ZNF223: variants seen among roughly 807,000 people sequenced by gnomAD.
ZNF223 encodes the protein zinc finger protein 223.
Under a neutral mutation model 12.3 loss-of-function variants are expected in ZNF223, and 9 were observed. The ratio of observed to expected loss-of-function variants is 0.73; its 90% CI spans 0.44 to 1.28. ZNF223 has a LOEUF of 1.28. Ranked by LOEUF, ZNF223 falls within the 50% of genes most tolerant of loss-of-function variation. The pLI is 0.00. For missense variants in ZNF223, 506 were observed against 579.0 expected (o/e 0.87, Z 1.29); for synonymous variants, 171 against 195.2 (o/e 0.88, Z 1.03).
chr19:44,054,057 G>T (rs7247071), intron 1 of ZNF223, among the ~76,000 whole-genome samples: 2 of 152,012 alleles, frequency 1.3e-5, no homozygotes, highest in African/African-American at 4.8e-5. Context: ...CTTTTTCTAC[G>T]TAGACACAGT....
At chr19:44,059,905 CA>C (rs1911509596) in intron 2 of ZNF223, among the ~76,000 whole-genome samples, 1 of 152,176 alleles carries the variant, frequency 6.6e-6, no homozygotes, top group Non-Finnish European at 1.5e-5. Context: ...CCATAGAAGT[CA>C]GGGGATGTTC....
Position 44,066,143 on chromosome 19 carries a change from A to G in ZNF223, c.315A>G (p.Glu105=). Residue 105 remains glutamate (E), a synonymous_variant, in exon 5 of 5, where the codon GAA becomes GAG. Coordinates refer to ENST00000434772, the MANE Select transcript of ZNF223 (RefSeq NM_013361.6). ...HEGWSCQQIW[E]EIASDLTRPQ... ...GGTGGTCCTGCCAGCAGATCTGGGA[A>G]GAAATTGCAAGTGATTTAACCAGGC... The G allele has an allele frequency of 6.2e-7, 1 of 1,614,164 alleles. No homozygotes were observed. The highest frequency in any genetic ancestry group is 8.5e-7 in the Non-Finnish European group (1 of 1,180,024).
rs1173391172 is a variant in ZNF223 at position 44,066,245 on chromosome 19, T to A, written c.417T>A (p.Ser139=). The change falls in exon 5 of 5, where the codon TCT becomes TCA. Residue 139 remains serine, a synonymous_variant. Coordinates refer to ENST00000434772, the MANE Select transcript of ZNF223 (RefSeq NM_013361.6). Reference sequence around the variant, plus strand: ...ACTCCCAGGTTGAGGAAGGACTATCTATAATGCACACAGGACAGAAACCTT... The same window carrying A: ...ACTCCCAGGTTGAGGAAGGACTATCAATAATGCACACAGGACAGAAACCTT... ...DAHSQVEEGL[S]IMHTGQKPSN... 1.2e-6 allele frequency: 2 copies of A among 1,614,104 alleles called. No homozygotes were observed. The highest frequency in any genetic ancestry group is 1.7e-6 in the Non-Finnish European group (2 of 1,180,048).
At position 44,067,778 on chromosome 19, in the gene ZNF223, T is replaced by A. The variant is rs939609733; in HGVS notation, c.*501T>A. The A allele has an allele frequency of 1.6e-4, 36 of 232,104 alleles. No individual in the cohort carries two copies. Among genetic ancestry groups the A allele is most frequent in the Non-Finnish European group, 3.0e-4 (34 of 114,886 alleles). The allele number at this position is 232,104 out of a possible 1,614,324, so 14.4% of individuals were successfully genotyped here. ...TAGTATAAGAGTTTGTTCACACACT[T>A]TCAAAACACTAATGATGAACATGTC... On this transcript the variant is annotated 3_prime_UTR_variant, in exon 5 of 5. Transcript: ENST00000434772.
In ZNF223 at chr19:44,061,510, C is replaced by A. The variant is rs148649412; in HGVS notation, c.235+669C>A. On this transcript the variant is annotated intron_variant, in intron 4 of 4. Transcript: ENST00000434772. ...GAAGGCAGCTACATTGCATCCTTGACCATTCTTCCAGAGTCATGCTCCCTC... is the reference window on the plus strand; with the variant it reads ...GAAGGCAGCTACATTGCATCCTTGAACATTCTTCCAGAGTCATGCTCCCTC... Among the ~76,000 whole-genome samples, 572 of 152,324 alleles carry A rather than the reference C, an allele frequency of 3.8e-3. 4 individuals are homozygous for A. Among genetic ancestry groups the A allele is most frequent in the Middle Eastern group, 0.01 (3 of 294 alleles).
rs1418597754 is a variant in ZNF223, at chr19:44,067,365, A to G, written c.*88A>G. 1 of 1,299,400 alleles carries G rather than the reference A, an allele frequency of 7.7e-7. No individual in the cohort carries two copies. The highest frequency in any genetic ancestry group is 1.1e-6 in the Non-Finnish European group (1 of 923,510). 80.5% of individuals were successfully genotyped at this position (1,299,400 alleles called of 1,614,324 possible). The stretch of plus-strand genomic sequence containing the variant: ...TCAAATCAGTGTAATTAGCACATTT[A>G]TCACCTCAATTATCTCTTTTTTGTG... On this transcript the variant is annotated 3_prime_UTR_variant, in exon 5 of 5. Transcript: ENST00000434772.
In ZNF223 at chr19:44,055,013, G is replaced by A. The variant is rs1041823031; in HGVS notation, c.-68-96G>A. 2.8e-5 allele frequency: 16 copies of A among 580,116 alleles called. No individual in the cohort carries two copies. In the Admixed American group the frequency reaches 2.8e-4, roughly 10 times the overall value. The allele number at this position is 580,116 out of a possible 1,614,324, so 35.9% of individuals were successfully genotyped here. A position where few individuals can be genotyped will look rare whatever the true frequency, so the allele number is the denominator to read the frequency against. On this transcript the variant is annotated intron_variant, in intron 1 of 4. Transcript: ENST00000434772. Reference sequence around the variant, plus strand: ...TAGTATGAATAATGCTGCTGTGAGCGTTCATGTGCTAATTGACAATATGAG... The same window carrying A: ...TAGTATGAATAATGCTGCTGTGAGCATTCATGTGCTAATTGACAATATGAG...
chr19:44,065,919 C>G (rs1179757411), intron 4 of ZNF223, 145 bp from the exon 5 acceptor site: 1 of 1,378,522 alleles, frequency 7.3e-7, no homozygotes, highest in Non-Finnish European at 9.5e-7. Context: ...TTAGATTACT[C>G]TCATGCAAAC....
rs776539101 is a variant in ZNF223, at chr19:44,067,314, A to T, written c.*37A>T. The T allele has an allele frequency of 2.4e-5, 37 of 1,535,438 alleles. No individual in the cohort carries two copies. The highest frequency in any genetic ancestry group is 3.0e-5 in the Non-Finnish European group (34 of 1,124,800). On this transcript the variant is annotated 3_prime_UTR_variant, in exon 5 of 5. Coordinates refer to ENST00000434772, the MANE Select transcript of ZNF223 (RefSeq NM_013361.6). ...ATTTATGGGGTACAGTGTGATATTTAAATATATGTATATGATGTATAATGA... is the reference window on the plus strand; with the variant it reads ...ATTTATGGGGTACAGTGTGATATTTTAATATATGTATATGATGTATAATGA...
chr19:44,060,258 CT>C, intron 2 of ZNF223, 196 bp from the exon 3 acceptor site: 1 of 949,302 alleles, frequency 1.1e-6, no homozygotes, highest in Non-Finnish European at 1.5e-6. Context: ...TGTCGTTGGA[CT>C]TCTGATGACG....
intron 4 of ZNF223, chr19:44,063,566 G>T (rs1447904126): frequency 6.6e-6 from 1 of 152,294 alleles, no homozygotes; most frequent in Non-Finnish European, 1.5e-5. Flanking sequence ...TTTATTGAGT[G>T]GTGAGTGGTT....
rs140886489 is a variant in ZNF223, at chr19:44,052,923, T to C, written c.-69+728T>C. Among the ~76,000 whole-genome samples, 166 of 152,292 alleles carry C rather than the reference T, an allele frequency of 1.1e-3. 1 individual carries two copies. The highest frequency in any genetic ancestry group is 3.8e-3 in the African/African-American group (158 of 41,566). On this transcript the variant is annotated intron_variant, in intron 1 of 4. Coordinates refer to ENST00000434772, the MANE Select transcript of ZNF223 (RefSeq NM_013361.6). ...TAGTATTTGTAGTGTACTTACTAGA[T>C]AGTGTTGGATAGCATATTACCTAGC...
rs1976923010 is a variant in ZNF223 at position 44,066,823 on chromosome 19, G to A, written c.995G>A (p.Cys332Tyr). The change falls in exon 5 of 5, where the codon TGT (cysteine) becomes TAT (tyrosine). Residue 332 changes from cysteine to tyrosine, a missense_variant. By Grantham distance (194) the Cys-to-Tyr change is radical. Coordinates refer to ENST00000434772, the MANE Select transcript of ZNF223 (RefSeq NM_013361.6). ...GGCTTCATTCGTAGGCTGGATTTGT[G>A]TAAGCATCAGACGATCCACACAGGA... is the stretch of plus-strand genomic sequence containing the variant. ...GKGFIRRLDL[C>Y]KHQTIHTGEK... 2.5e-6 allele frequency: 4 copies of A among 1,613,474 alleles called. No individual in the cohort carries two copies. The highest frequency in any genetic ancestry group is 2.7e-5 in the African/African-American group (2 of 74,724).
chr19:44,067,036 A>G lies in ZNF223; in HGVS notation c.1208A>G (p.Asp403Gly), dbSNP rs1184094575. Residue 403 changes from aspartate to glycine, a missense_variant, in exon 5 of 5, where the codon GAT (aspartate) becomes GGT (glycine). Coordinates refer to ENST00000434772, the MANE Select transcript of ZNF223 (RefSeq NM_013361.6). ...AHTGERPYNC[D>G]DCGKSFRQAS... ...ACAGGAGAGAGACCTTATAACTGTG[A>G]TGACTGTGGGAAGAGCTTTAGACAG... 6.2e-7 allele frequency: 1 copy of G among 1,612,968 alleles called. No individual in the cohort carries two copies. Among genetic ancestry groups the G allele is most frequent in the Non-Finnish European group, 8.5e-7 (1 of 1,179,172 alleles).
At chr19:44,060,190 A>AG (rs1354012242) in intron 2 of ZNF223, among the ~76,000 whole-genome samples, 1 of 152,122 alleles carries the variant, frequency 6.6e-6, no homozygotes, top group African/African-American at 2.4e-5. Flanking sequence ...TTAGACTCCT[A>AG]GGGGGCTACA....
intron 2 of ZNF223, among the ~76,000 whole-genome samples, chr19:44,057,588 GA>G (rs1222675516): frequency 6.6e-6 from 1 of 152,030 alleles, no homozygotes; most frequent in African/African-American, 2.4e-5. Context: ...CTTAATTCTT[GA>G]AAAAACTCTT....
intron 4 of ZNF223, among the ~76,000 whole-genome samples, chr19:44,061,595 A>T (rs1175651332): frequency 6.6e-6 from 1 of 151,712 alleles, no homozygotes; most frequent in Non-Finnish European, 1.5e-5. Flanking sequence ...TGTATTCATC[A>T]CTCCTGTATG....
intron 2 of ZNF223, among the ~76,000 whole-genome samples, chr19:44,059,327 G>T (rs993771125): frequency 6.6e-6 from 1 of 152,178 alleles, no homozygotes; most frequent in Non-Finnish European, 1.5e-5. Flanking sequence ...TGATTCTGCT[G>T]CCTTACACCA....
chr19:44,054,412 A>G (rs369706418), intron 1 of ZNF223, among the ~76,000 whole-genome samples: 45 of 151,984 alleles, frequency 3.0e-4, no homozygotes, highest in African/African-American at 1.0e-3. Flanking sequence ...ATTAGTGGGC[A>G]TTTTCTTGTA....
Sources: allele counts gnomAD v4.1 joint callset (sites outside exome capture counted in the v4.1 genomes callset), GRCh38; gene constraint gnomAD v4.1.1; transcripts MANE v1.5; gene names NCBI Gene and HGNC (gene_info 2026-07-23, HGNC 2026-07-21).